The following UPK1A variants were observed in gnomAD, a reference collection of about 807,000 sequenced individuals.
The protein encoded by UPK1A is uroplakin-1a.
UPK1A carries 31 observed loss-of-function variants against 32.3 expected under a neutral mutation model. The ratio of observed to expected loss-of-function variants is 0.96; its 90% confidence interval spans 0.72 to 1.30. The LOEUF is 1.30. Among genes scored for constraint, UPK1A ranks in the 50% most tolerant of loss-of-function variants. The probability of loss-of-function intolerance (pLI) is 0.00; values close to 1 mark genes in which losing one functional copy is unlikely to be tolerated. For missense variants in UPK1A, 340 were observed against 357.4 expected, an observed-to-expected ratio of 0.95 and a Z score of 0.39; for synonymous variants, 135 against 137.1, an observed-to-expected ratio of 0.98 and a Z score of 0.11.
chr19:35,677,992 A>G lies in UPK1A; in HGVS notation c.750A>G (p.Ile250Met), dbSNP rs139622862. The G allele has an allele frequency of 2.7e-3, 4,292 of 1,603,766 alleles. 9 individuals carry two copies. The highest frequency in any genetic ancestry group is 3.3e-3 in the Non-Finnish European group (3,828 of 1,174,806). Residue 250 changes from isoleucine (I) to methionine (M), a missense_variant, in exon 8 of 8, where the codon ATA becomes ATG. By Grantham distance (10) the Ile-to-Met change is conservative. Transcript: ENST00000617999. ...CTCGCCAGCTCCCGGTCATGCTGAT[A>G]GCCATGTATTTCTACACCATGCTCT...
At chr19:35,675,500 C>T (rs1213159747) in intron 5 of UPK1A, among the ~76,000 whole-genome samples, 3 of 152,052 alleles carry the variant, frequency 2.0e-5, no homozygotes, top group African/African-American at 4.8e-5. Context: ...AGGCTGGTCT[C>T]GAACTCCTGA....
At chr19:35,676,531 T>G (rs1381065940) in intron 6 of UPK1A, among the ~76,000 whole-genome samples, 1 of 151,934 alleles carries the variant, frequency 6.6e-6, no homozygotes, top group Admixed American at 6.6e-5. Context: ...CTCTCTCAAG[T>G]CAGCAGGATG....
rs573653873 is a variant in UPK1A at position 35,670,386 on chromosome 19, C to T, written c.285+1732C>T. Among the ~76,000 whole-genome samples the T allele has an allele frequency of 3.0e-5, 4 of 132,374 alleles. No individual in the cohort carries two copies. In the East Asian group the frequency reaches 7.3e-4, roughly 24 times the overall value. 86.8% of individuals were successfully genotyped at this position (132,374 alleles called of 152,430 possible). A position where few individuals can be genotyped will look rare whatever the true frequency, so the allele number is the denominator to read the frequency against. ...CTGCTCCCCTCCCCTCCCTTCCCCT[C>T]CCCTTCCCTCCCCTCCCCTCTCCTT... is the stretch of plus-strand genomic sequence containing the variant. On this transcript the variant is annotated intron_variant, in intron 3 of 7. Transcript: ENST00000617999.
chr19:35,666,861 G>C, exon 2 of UPK1A: 2 of 1,614,094 alleles, frequency 1.2e-6, no homozygotes, highest in Non-Finnish European at 1.7e-6. Context: ...TCCAGTTGTG[G>C]TGGGCCTGCT....
chr19:35,668,208 G>A (rs540352179), intron 2 of UPK1A: 7 of 569,210 alleles, frequency 1.2e-5, no homozygotes, highest in Admixed American at 3.0e-5. Context: ...GCCTTTCCAC[G>A]TGGCATCCCC....
exon 5 of UPK1A, chr19:35,673,490 C>G: frequency 6.2e-7 from 1 of 1,613,438 alleles, no homozygotes; most frequent in Non-Finnish European, 8.5e-7. Flanking sequence ...TTCTACAGCG[C>G]GGACACCGAC....
At chr19:35,675,960 T>C in exon 6 of UPK1A, 1 of 1,613,876 alleles carries the variant, frequency 6.2e-7, no homozygotes, top group Non-Finnish European at 8.5e-7. Flanking sequence ...GACGGGAAAC[T>C]TCATCCCCCT....
exon 8 of UPK1A, chr19:35,678,117 C>T: frequency 7.2e-7 from 1 of 1,393,390 alleles, no homozygotes; most frequent in Non-Finnish European, 9.7e-7. Context: ...CCTCTCACCT[C>T]CCAACGTCCC....
exon 8 of UPK1A, chr19:35,678,050 C>G (rs1429611771): frequency 3.9e-6 from 6 of 1,542,472 alleles, no homozygotes; most frequent in Non-Finnish European, 5.3e-6. Flanking sequence ...CATACACACC[C>G]CGGACTCCTC....
chr19:35,670,284 G>C (rs1968066134), intron 3 of UPK1A, among the ~76,000 whole-genome samples: 1 of 152,130 alleles, frequency 6.6e-6, no homozygotes, highest in Admixed American at 6.6e-5. Flanking sequence ...GAGGAATGGG[G>C]ATGGGAAAGA....
chr19:35,670,018 A>C (rs1014970065), intron 3 of UPK1A, among the ~76,000 whole-genome samples: 4 of 152,222 alleles, frequency 2.6e-5, no homozygotes, highest in African/African-American at 9.6e-5. Flanking sequence ...TCAGAGGAGG[A>C]AGACAGTGAA....
chr19:35,670,708 T>C (rs1308832762), intron 3 of UPK1A, among the ~76,000 whole-genome samples: 5 of 110,352 alleles, frequency 4.5e-5, no homozygotes, highest in Admixed American at 9.6e-5. Context: ...CTCCCTTCCT[T>C]CCTTCCTTCC....
chr19:35,676,787 T>C (rs1968188829), intron 6 of UPK1A, among the ~76,000 whole-genome samples: 1 of 151,458 alleles, frequency 6.6e-6, no homozygotes, highest in Non-Finnish European at 1.5e-5. Context: ...TAATCCCAGC[T>C]ACTCGGGAGG....
At chr19:35,666,876 G>C in exon 2 of UPK1A, 1 of 1,614,112 alleles carries the variant, frequency 6.2e-7, no homozygotes, top group Non-Finnish European at 8.5e-7. Flanking sequence ...CCTGCTAGTT[G>C]TGGGCAATAT....
chr19:35,673,863 G>A (rs969180335), intron 5 of UPK1A, among the ~76,000 whole-genome samples: 2 of 152,126 alleles, frequency 1.3e-5, no homozygotes, highest in African/African-American at 4.8e-5. Context: ...AACAATGATA[G>A]TAACAGCACC....
chr19:35,669,982 A>G (rs932256202), intron 3 of UPK1A, among the ~76,000 whole-genome samples: 3 of 152,198 alleles, frequency 2.0e-5, no homozygotes, highest in Admixed American at 6.6e-5. Flanking sequence ...CGAAACATAA[A>G]AGCCCTTGAC....
At chr19:35,670,783 T>C (rs1245548149) in intron 3 of UPK1A, among the ~76,000 whole-genome samples, 2 of 140,306 alleles carry the variant, frequency 1.4e-5, no homozygotes, top group African/African-American at 2.6e-5. Flanking sequence ...GGCACAATCA[T>C]AGCTCATTGC....
exon 8 of UPK1A, chr19:35,678,411 G>C (rs1968215787): frequency 5.4e-6 from 1 of 186,598 alleles, no homozygotes; most frequent in Admixed American, 5.6e-5. Context: ...TCACTTTACT[G>C]TCCCCATCAT....
At chr19:35,676,121 C>G (rs918161442) in intron 6 of UPK1A, 102 bp downstream of exon 6, 7 of 1,313,614 alleles carry the variant, frequency 5.3e-6, no homozygotes, top group Non-Finnish European at 7.2e-6. Flanking sequence ...TGTGTCTGTC[C>G]GTCTAGCTTT....
Sources: allele counts gnomAD v4.1 joint callset (sites outside exome capture counted in the v4.1 genomes callset), GRCh38; gene constraint gnomAD v4.1.1; transcripts MANE v1.5; gene names NCBI Gene and HGNC (gene_info 2026-07-23, HGNC 2026-07-21).